EIF4G3: variants seen among roughly 807,000 people sequenced by gnomAD.
EIF4G3 encodes the protein eIF-4-gamma 3.
EIF4G3 carries 34 observed loss-of-function variants against 186.4 expected under a neutral mutation model. That is an observed-to-expected ratio of 0.18 (90% CI 0.14 to 0.24). EIF4G3 has a LOEUF of 0.24. Among genes scored for constraint, EIF4G3 ranks in the 10% least tolerant of loss-of-function variants. The pLI is 1.00. For missense variants in EIF4G3, 1,536 were observed against 1,948.5 expected (o/e 0.79, Z 3.99); for synonymous variants, 673 against 679.5 (o/e 0.99, Z 0.15).
intron 12 of EIF4G3, among the ~76,000 whole-genome samples, chr1:20,961,164 C>T (rs922659823): frequency 6.6e-6 from 1 of 152,148 alleles, no homozygotes; most frequent in African/African-American, 2.4e-5. Context: ...GTGGGCGGAT[C>T]ATGAGGTCAG....
At chr1:21,150,466 T>C (rs1016914902) in intron 2 of EIF4G3, among the ~76,000 whole-genome samples, 2 of 152,170 alleles carry the variant, frequency 1.3e-5, no homozygotes, top group African/African-American at 2.4e-5. Flanking sequence ...ATACTGACAC[T>C]ATGGGGAAAA....
Position 20,981,225 on chromosome 1 carries a change from A to G in EIF4G3, c.201T>C (p.Phe67=). Residue 67 remains phenylalanine, a splice_region_variant and synonymous_variant, in exon 9 of 37, where the codon TTT becomes TTC. Transcript: ENST00000602326. ...GAGGCTGTATTTGAGGCCTCTGGAA[A>G]AACTGGGAAGGGGAGAAAAAAAAAA... ...HHQGGFRPIQ[F]FQRPQIQPPR... is the part of the protein sequence containing the mutation. 6.3e-7 allele frequency: 1 copy of G among 1,587,062 alleles called. No homozygotes were observed. The highest frequency in any genetic ancestry group is 8.6e-7 in the Non-Finnish European group (1 of 1,167,728).
rs528835792 is a variant in EIF4G3 at position 21,166,774 on chromosome 1, T to G, written c.-272+9401A>C. ...AATAAATAAATGAATTAAGGGTTTT[T>G]TTTGTTTGTTTTGGGGGGTTTTTTT... On this transcript the variant is annotated intron_variant, in intron 2 of 36. Transcript: ENST00000602326. 1.0e-3 allele frequency among the ~76,000 whole-genome samples: 154 copies of G among 152,016 alleles called. 1 individual carries two copies. Among genetic ancestry groups the G allele is most frequent in the Non-Finnish European group, 1.7e-3 (114 of 67,932 alleles).
chr1:21,087,719 C>A (rs748522338), intron 3 of EIF4G3, among the ~76,000 whole-genome samples: 22 of 152,236 alleles, frequency 1.4e-4, no homozygotes, highest in South Asian at 4.1e-4. Flanking sequence ...CTGCAAGCTC[C>A]GCCTCCTGGG....
At chr1:20,984,657 T>A (rs1365258685) in intron 7 of EIF4G3, among the ~76,000 whole-genome samples, 1 of 151,084 alleles carries the variant, frequency 6.6e-6, no homozygotes, top group Non-Finnish European at 1.5e-5. Flanking sequence ...TGGCGTGATC[T>A]TGGCTCACTG....
intron 33 of EIF4G3, among the ~76,000 whole-genome samples, chr1:20,823,453 C>G (rs1304581921): frequency 6.6e-6 from 1 of 152,044 alleles, no homozygotes; most frequent in African/African-American, 2.4e-5. Context: ...GTGATCGTAT[C>G]TCACTGCAGC....
chr1:21,056,502 A>C (rs975879788), intron 3 of EIF4G3, among the ~76,000 whole-genome samples: 2 of 152,206 alleles, frequency 1.3e-5, no homozygotes, highest in Non-Finnish European at 2.9e-5. Context: ...TATACAGAAC[A>C]GAAATAGCAC....
chr1:21,054,934 G>A (rs2094494983), intron 3 of EIF4G3, among the ~76,000 whole-genome samples: 1 of 152,100 alleles, frequency 6.6e-6, no homozygotes, highest in Non-Finnish European at 1.5e-5. Context: ...ATTGTATCTA[G>A]TTTCATCCTT....
intron 3 of EIF4G3, among the ~76,000 whole-genome samples, chr1:21,074,150 A>G (rs1312640999): frequency 6.6e-6 from 1 of 152,200 alleles, no homozygotes; most frequent in Non-Finnish European, 1.5e-5. Flanking sequence ...GTTTCTCAAC[A>G]GTGACACTAC....
intron 14 of EIF4G3, among the ~76,000 whole-genome samples, chr1:20,916,242 C>A (rs953074438): frequency 3.9e-5 from 6 of 151,922 alleles, no homozygotes; most frequent in South Asian, 4.1e-4. Context: ...GTCAGGAGAT[C>A]GAGACCATCC....
At chr1:21,128,344 A>G (rs2097090638) in intron 2 of EIF4G3, among the ~76,000 whole-genome samples, 1 of 151,792 alleles carries the variant, frequency 6.6e-6, no homozygotes, top group South Asian at 2.1e-4. Context: ...CCCCGTCTCT[A>G]AAAAATAATA....
chr1:20,921,161 A>G (rs902375096), intron 14 of EIF4G3, among the ~76,000 whole-genome samples: 2 of 152,226 alleles, frequency 1.3e-5, no homozygotes, highest in African/African-American at 2.4e-5. Context: ...AAAATCTTCT[A>G]ATTTTTCCGT....
chr1:21,114,122 A>G (rs1052440103), intron 2 of EIF4G3, among the ~76,000 whole-genome samples: 20 of 151,920 alleles, frequency 1.3e-4, no homozygotes, highest in African/African-American at 4.8e-4. Context: ...ACTGTCCAAA[A>G]TTCTAATTTT....
At chr1:20,873,722 TAAA>T (rs35292233) in intron 20 of EIF4G3, among the ~76,000 whole-genome samples, 1 of 137,108 alleles carries the variant, frequency 7.3e-6, no homozygotes. Context: ...TTTTTTTCCT[TAAA>T]AAAAAAAAAA....
At chr1:20,933,009 T>C (rs1399358615) in intron 14 of EIF4G3, among the ~76,000 whole-genome samples, 2 of 152,148 alleles carry the variant, frequency 1.3e-5, no homozygotes, top group Non-Finnish European at 2.9e-5. Context: ...TGAAATAATC[T>C]CCAGGCTTCT....
intron 20 of EIF4G3, among the ~76,000 whole-genome samples, chr1:20,876,365 ATAT>A (rs2080831881): frequency 6.6e-6 from 1 of 151,394 alleles, no homozygotes; most frequent in African/African-American, 2.4e-5. Flanking sequence ...ATATTATGAA[ATAT>A]TATGCAATTA....
At chr1:20,831,623 T>TTA (rs1553194872) in intron 30 of EIF4G3, among the ~76,000 whole-genome samples, 4 of 151,794 alleles carry the variant, frequency 2.6e-5, no homozygotes, top group African/African-American at 7.3e-5. Flanking sequence ...TTTTTTTTTT[T>TTA]ATACTTTAAG....
intron 2 of EIF4G3, among the ~76,000 whole-genome samples, chr1:21,139,656 G>A (rs1273668317): frequency 1.3e-5 from 2 of 152,072 alleles, no homozygotes; most frequent in African/African-American, 2.4e-5. Flanking sequence ...TAACTATATG[G>A]TATATCTAAA....
chr1:20,941,410 A>G (rs2095707610), intron 14 of EIF4G3, 81 bp downstream of exon 14: 2 of 1,610,498 alleles, frequency 1.2e-6, no homozygotes, highest in Non-Finnish European at 1.7e-6. Flanking sequence ...AAGTCAAGGA[A>G]AGTAGCCAAT....
Sources: allele counts gnomAD v4.1 joint callset (sites outside exome capture counted in the v4.1 genomes callset), GRCh38; gene constraint gnomAD v4.1.1; transcripts MANE v1.5; gene names NCBI Gene and HGNC (gene_info 2026-07-23, HGNC 2026-07-21).